KCNMB2: variants seen among roughly 807,000 people sequenced by gnomAD.
KCNMB2 encodes calcium-activated potassium channel subunit beta-2.
A neutral mutation model predicts 24.5 loss-of-function variants in KCNMB2; 9 were observed. The observed-to-expected ratio is 0.37, with a 90% CI of 0.22 to 0.64. KCNMB2 has a LOEUF of 0.64. Among genes scored for constraint, KCNMB2 ranks in the 30% least tolerant of loss-of-function variants. KCNMB2 has a pLI of 0.63. For missense variants in KCNMB2, 226 were observed against 284.3 expected (o/e 0.79, Z 1.47); for synonymous variants, 109 against 104.4 (o/e 1.04, Z -0.27).
chr3:178,555,707 T>C (rs1459759938), intron 1 of KCNMB2, among the ~76,000 whole-genome samples: 1 of 152,300 alleles, frequency 6.6e-6, no homozygotes, highest in South Asian at 2.1e-4. Flanking sequence ...CTCAGATAGA[T>C]TGTAAGTCCC....
intron 1 of KCNMB2, among the ~76,000 whole-genome samples, chr3:178,611,418 C>A (rs1329874404): frequency 1.3e-5 from 2 of 152,020 alleles, no homozygotes; most frequent in East Asian, 1.9e-4. Flanking sequence ...TCAAAAAAAA[C>A]CCCAGGCCAG....
intron 1 of KCNMB2, among the ~76,000 whole-genome samples, chr3:178,763,864 A>T (rs1712012220): frequency 6.6e-6 from 1 of 152,216 alleles, no homozygotes; most frequent in Non-Finnish European, 1.5e-5. Context: ...CTGTTTCATG[A>T]TCTGAAAAAA....
At chr3:178,559,199 G>A (rs536187234) in intron 1 of KCNMB2, among the ~76,000 whole-genome samples, 2 of 152,240 alleles carry the variant, frequency 1.3e-5, no homozygotes, top group South Asian at 4.1e-4. Context: ...AGTCAGGAGT[G>A]GAGGGACATG....
intron 2 of KCNMB2, among the ~76,000 whole-genome samples, chr3:178,825,372 C>T (rs1364348911): frequency 2.0e-5 from 3 of 152,094 alleles, no homozygotes; most frequent in Non-Finnish European, 4.4e-5. Context: ...CTTATTTCTG[C>T]TCAGGACTGG....
intron 1 of KCNMB2, among the ~76,000 whole-genome samples, chr3:178,627,538 T>C (rs1719165753): frequency 6.6e-6 from 1 of 152,220 alleles, no homozygotes; most frequent in Non-Finnish European, 1.5e-5. Flanking sequence ...CTCATTTCAC[T>C]TTCATAATAA....
At chr3:178,630,570 A>G (rs1204358335) in intron 1 of KCNMB2, among the ~76,000 whole-genome samples, 1 of 152,214 alleles carries the variant, frequency 6.6e-6, no homozygotes, top group Non-Finnish European at 1.5e-5. Flanking sequence ...TTTCTTGAAA[A>G]TGGTTGTGCC....
intron 1 of KCNMB2, among the ~76,000 whole-genome samples, chr3:178,732,275 T>G (rs184721617): frequency 2.0e-5 from 3 of 152,334 alleles, no homozygotes; most frequent in African/African-American, 7.2e-5. Context: ...CAGTAGGTTT[T>G]TATTATTTGC....
intron 1 of KCNMB2, among the ~76,000 whole-genome samples, chr3:178,794,236 C>G (rs967018097): frequency 6.6e-6 from 1 of 152,132 alleles, no homozygotes; most frequent in African/African-American, 2.4e-5. Context: ...CATTCTGTAG[C>G]TTCGTGTTCC....
intron 1 of KCNMB2, among the ~76,000 whole-genome samples, chr3:178,557,689 G>A (rs1266415648): frequency 6.6e-6 from 1 of 152,176 alleles, no homozygotes; most frequent in Non-Finnish European, 1.5e-5. Flanking sequence ...GAATAGTAAC[G>A]TTAATAGAGC....
intron 1 of KCNMB2, among the ~76,000 whole-genome samples, chr3:178,723,703 A>G (rs1288627074): frequency 6.6e-6 from 1 of 152,114 alleles, no homozygotes; most frequent in African/African-American, 2.4e-5. Flanking sequence ...ATGTATACCC[A>G]ATGTTTAGCT....
At chr3:178,727,420 G>C (rs2108363740) in intron 1 of KCNMB2, among the ~76,000 whole-genome samples, 1 of 152,162 alleles carries the variant, frequency 6.6e-6, no homozygotes, top group East Asian at 1.9e-4. Flanking sequence ...CTAATCTCTA[G>C]AACCTGAGAA....
Position 178,719,265 on chromosome 3 carries a change from G to T in KCNMB2, c.-67-88078G>T, listed in dbSNP as rs79639590. Among the ~76,000 whole-genome samples, 1,016 of 152,322 alleles carry T rather than the reference G, an allele frequency of 6.7e-3. 17 individuals carry two copies. Among genetic ancestry groups the T allele is most frequent in the African/African-American group, 0.023 (961 of 41,560 alleles). ...ATTGTTCCAAGTAGACTAAAGTTGG[G>T]CTTTCCTCTTATTACAGTCTTTTAA... On this transcript the variant is annotated intron_variant, in intron 1 of 4. Coordinates refer to ENST00000452583, the MANE Select transcript of KCNMB2 (RefSeq NM_181361.3).
chr3:178,699,722 T>C (rs1722017322), intron 1 of KCNMB2, among the ~76,000 whole-genome samples: 1 of 152,220 alleles, frequency 6.6e-6, no homozygotes, highest in African/African-American at 2.4e-5. Context: ...AAGTCTCCTA[T>C]GAGAGCAATT....
intron 1 of KCNMB2, among the ~76,000 whole-genome samples, chr3:178,660,376 T>C (rs1577079003): frequency 6.6e-6 from 1 of 152,142 alleles, no homozygotes; most frequent in African/African-American, 2.4e-5. Context: ...TTCTGAGATA[T>C]TACCATCAGG....
chr3:178,763,448 T>G (rs1181009966), intron 1 of KCNMB2, among the ~76,000 whole-genome samples: 1 of 151,868 alleles, frequency 6.6e-6, no homozygotes, highest in Non-Finnish European at 1.5e-5. Flanking sequence ...TGAAATCGAT[T>G]TAGATGAGGA....
At chr3:178,645,603 G>A (rs1719892432) in intron 1 of KCNMB2, among the ~76,000 whole-genome samples, 3 of 152,176 alleles carry the variant, frequency 2.0e-5, no homozygotes, top group Admixed American at 2.0e-4. Flanking sequence ...TAGGAGAATG[G>A]CTCAAAGAGA....
intron 1 of KCNMB2, among the ~76,000 whole-genome samples, chr3:178,768,228 C>T (rs1577171833): frequency 2.0e-5 from 3 of 152,220 alleles, no homozygotes; most frequent in Non-Finnish European, 2.9e-5. Context: ...CTTCTAAGCT[C>T]GGTTTTCCCC....
At chr3:178,815,985 A>G (rs1714391282) in intron 2 of KCNMB2, among the ~76,000 whole-genome samples, 1 of 151,512 alleles carries the variant, frequency 6.6e-6, no homozygotes, top group Non-Finnish European at 1.5e-5. Flanking sequence ...TTTTTTGTGT[A>G]TTGTTCTGAT....
At chr3:178,703,882 G>C (rs1229508351) in intron 1 of KCNMB2, among the ~76,000 whole-genome samples, 1 of 152,178 alleles carries the variant, frequency 6.6e-6, no homozygotes, top group African/African-American at 2.4e-5. Context: ...ATGTTAGAGT[G>C]AGGAACAAGG....
Sources: gnomAD v4.1 joint callset for allele counts (sites outside exome capture counted in the v4.1 genomes callset) on GRCh38, gnomAD v4.1.1 for gene constraint, MANE v1.5 for transcripts, NCBI Gene and HGNC (gene_info 2026-07-23, HGNC 2026-07-21) for gene names.